Variants in IL23R observed in about 807,000 individuals in gnomAD.
IL23R encodes interleukin-23 receptor.
IL23R carries 34 observed loss-of-function variants against 56.9 expected under a neutral mutation model. The observed-to-expected ratio is 0.60, with a 90% CI of 0.45 to 0.80. The LOEUF is 0.80. Among genes scored for constraint, IL23R ranks in the 30% least tolerant of loss-of-function variants. IL23R has a pLI of 0.00. For synonymous variants in IL23R, 230 were observed against 249.2 expected, an observed-to-expected ratio of 0.92 and a Z score of 0.73; for missense variants, 635 against 730.0, an observed-to-expected ratio of 0.87 and a Z score of 1.50.
At chr1:67,232,420 T>C (rs976928966) in intron 7 of IL23R, among the ~76,000 whole-genome samples, 1 of 152,146 alleles carries the variant, frequency 6.6e-6, no homozygotes, top group African/African-American at 2.4e-5. Flanking sequence ...CTTGCAGGGC[T>C]GACTCTGCCT....
intron 1 of IL23R, among the ~76,000 whole-genome samples, chr1:67,148,592 A>G (rs146319046): frequency 1.6e-4 from 24 of 152,356 alleles, no homozygotes; most frequent in African/African-American, 5.8e-4. Context: ...AGGAATTCTT[A>G]GTCGGCCTAG....
At chr1:67,245,106 C>T (rs1652126588) in intron 9 of IL23R, among the ~76,000 whole-genome samples, 1 of 152,104 alleles carries the variant, frequency 6.6e-6, no homozygotes. Flanking sequence ...TGATTTGGCT[C>T]ACTGTTTGCC....
chr1:67,265,070 C>T, the IL23R span, among the ~76,000 whole-genome samples: 28,736 of 152,078 alleles, frequency 0.19, 3,341 homozygotes, highest in Admixed American at 0.31. Flanking sequence ...TAGAGACTGT[C>T]AGAGCACAGG....
intron 8 of IL23R, among the ~76,000 whole-genome samples, chr1:67,238,544 A>G (rs1291903266): frequency 1.3e-5 from 2 of 152,112 alleles, no homozygotes; most frequent in Admixed American, 6.5e-5. Flanking sequence ...GCTCTGTTAG[A>G]TAAGTATTAT....
chr1:67,155,010 G>T (rs1570760207), intron 1 of IL23R, among the ~76,000 whole-genome samples: 1 of 152,226 alleles, frequency 6.6e-6, no homozygotes. Context: ...CTTAGCATTT[G>T]CTTGTCTGGA....
intron 6 of IL23R, among the ~76,000 whole-genome samples, chr1:67,211,331 G>A (rs1427810362): frequency 6.6e-6 from 1 of 152,172 alleles, no homozygotes; most frequent in South Asian, 2.1e-4. Flanking sequence ...AGAATACTGA[G>A]TTTCTTAGGC....
At chr1:67,219,522 T>C (rs1388701964) in intron 6 of IL23R, 52 bp from the exon 7 acceptor site, 2 of 1,548,254 alleles carry the variant, frequency 1.3e-6, no homozygotes, top group Admixed American at 3.3e-5. Context: ...CTAAATAAAA[T>C]AGTTGTTTTA....
Position 67,259,557 on chromosome 1 carries a change from C to T in IL23R, c.*429C>T. 4.7e-6 allele frequency: 1 copy of T among 210,608 alleles called. No individual in the cohort carries two copies. The highest frequency in any genetic ancestry group is 9.5e-6 in the Non-Finnish European group (1 of 104,722). 13.0% of individuals were successfully genotyped at this position (210,608 alleles called of 1,614,324 possible). On this transcript the variant is annotated 3_prime_UTR_variant, in exon 11 of 11. Transcript: ENST00000347310. ...GTATTTTTTATAGAGTCAACTATTT[C>T]CTCTTTATTTTCCCTCATTGAAAGA...
Position 67,258,573 on chromosome 1 carries a change from C to T in IL23R, c.1335C>T (p.His445=), listed in dbSNP as rs778008836. Residue 445 remains histidine, a synonymous_variant, in exon 11 of 11, where the codon CAC becomes CAT. Transcript: ENST00000347310. ...TAAAAGAAATCTTCATCCCAGAACACAAGCCTACAGACTACAAGAAGGAGA... is the reference window on the plus strand; with the variant it reads ...TAAAAGAAATCTTCATCCCAGAACATAAGCCTACAGACTACAAGAAGGAGA... The part of the protein sequence containing the change: ...TEIKEIFIPE[H]KPTDYKKENT... 1.6e-5 allele frequency: 26 copies of T among 1,612,162 alleles called. No individual in the cohort carries two copies. In the Admixed American group the frequency reaches 4.3e-4, roughly 27 times the overall value.
At chr1:67,206,412 G>A (rs1649062006) in intron 5 of IL23R, among the ~76,000 whole-genome samples, 1 of 152,080 alleles carries the variant, frequency 6.6e-6, no homozygotes, top group Non-Finnish European at 1.5e-5. Flanking sequence ...CTGGGCTCAA[G>A]TGACCCTCCC....
At chr1:67,220,787 A>G (rs1650187211) in intron 7 of IL23R, among the ~76,000 whole-genome samples, 2 of 152,186 alleles carry the variant, frequency 1.3e-5, no homozygotes, top group Admixed American at 1.3e-4. Flanking sequence ...AGAATTATTG[A>G]TCTAAACAGG....
chr1:67,156,576 G>A (rs564989391), intron 1 of IL23R, among the ~76,000 whole-genome samples: 61 of 152,262 alleles, frequency 4.0e-4, no homozygotes, highest in Non-Finnish European at 7.4e-4. Context: ...GGTGAATTCC[G>A]TCTAGTCCAA....
chr1:67,235,611 C>T (rs1470441580), intron 7 of IL23R, among the ~76,000 whole-genome samples: 1 of 152,100 alleles, frequency 6.6e-6, no homozygotes, highest in Admixed American at 6.5e-5. Context: ...CCAGGCTGGT[C>T]TCAACTCCTG....
chr1:67,158,025 G>A (rs932175884), intron 1 of IL23R, among the ~76,000 whole-genome samples: 1 of 152,102 alleles, frequency 6.6e-6, no homozygotes, highest in Non-Finnish European at 1.5e-5. Flanking sequence ...AGACCAGCCT[G>A]GCCAACATGG....
intron 7 of IL23R, among the ~76,000 whole-genome samples, chr1:67,223,029 G>T (rs920350156): frequency 6.6e-5 from 10 of 152,134 alleles, no homozygotes; most frequent in Admixed American, 3.9e-4. Flanking sequence ...CAAGGCGAGT[G>T]GATCACCTAA....
chr1:67,188,992 A>C (rs1366029238), intron 4 of IL23R, among the ~76,000 whole-genome samples: 1 of 152,160 alleles, frequency 6.6e-6, no homozygotes, highest in African/African-American at 2.4e-5. Flanking sequence ...GATTTGATTG[A>C]GGGAAATATT....
chr1:67,185,806 A>G (rs891968286), intron 4 of IL23R, among the ~76,000 whole-genome samples: 5 of 152,238 alleles, frequency 3.3e-5, no homozygotes, highest in African/African-American at 1.2e-4. Flanking sequence ...ATATTCTGGT[A>G]CCAAAGAGGT....
At chr1:67,222,978 G>T (rs987318783) in intron 7 of IL23R, among the ~76,000 whole-genome samples, 5 of 152,184 alleles carry the variant, frequency 3.3e-5, no homozygotes, top group Admixed American at 6.5e-5. Context: ...TCTTGGCGAG[G>T]TGTGGTGGCT....
At chr1:67,163,639 G>A (rs546456388), upstream of IL23R, among the ~76,000 whole-genome samples, 487 of 152,158 alleles carry the variant, frequency 3.2e-3, no homozygotes, top group South Asian at 8.7e-3. Context: ...GCGAGTTCTC[G>A]TTCAGAGTTC....
Sources: allele counts gnomAD v4.1 joint callset (sites outside exome capture counted in the v4.1 genomes callset), GRCh38; gene constraint gnomAD v4.1.1; transcripts MANE v1.5; gene names NCBI Gene and HGNC (gene_info 2026-07-23, HGNC 2026-07-21).